DENND1A: variants seen among roughly 807,000 people sequenced by gnomAD.
DENND1A encodes DENN domain-containing protein 1A.
A neutral mutation model predicts 113.7 loss-of-function variants in DENND1A; 51 were observed. The observed-to-expected ratio is 0.45, with a 90% CI of 0.36 to 0.57. The LOEUF (loss-of-function observed/expected upper bound fraction) is 0.57. DENND1A is among the 20% of genes least tolerant of loss of function. The probability of loss-of-function intolerance (pLI) is 0.00; values close to 1 mark genes in which losing one functional copy is unlikely to be tolerated. For synonymous variants in DENND1A, 565 were observed against 570.8 expected (o/e 0.99, Z 0.14); for missense variants, 1,258 against 1,395.9 (o/e 0.90, Z 1.57).
chr9:123,394,583 TCA>T (rs1012054441), intron 21 of DENND1A, among the ~76,000 whole-genome samples: 1 of 152,228 alleles, frequency 6.6e-6, no homozygotes, highest in African/African-American at 2.4e-5. Context: ...TGATTACTTC[TCA>T]GTCTGTAGGT....
chr9:123,658,298 TA>T (rs922992419), intron 8 of DENND1A, among the ~76,000 whole-genome samples: 10 of 151,470 alleles, frequency 6.6e-5, no homozygotes, highest in East Asian at 1.9e-4. Flanking sequence ...ACCTGGACAC[TA>T]AAAAAAAATC....
chr9:123,427,583 G>T (rs911335482), intron 19 of DENND1A, among the ~76,000 whole-genome samples: 1 of 152,112 alleles, frequency 6.6e-6, no homozygotes, highest in East Asian at 1.9e-4. Flanking sequence ...ATGCTCTCTC[G>T]GTTTTAGGAT....
At chr9:123,782,952 A>C (rs1482520059) in intron 3 of DENND1A, among the ~76,000 whole-genome samples, 2 of 151,918 alleles carry the variant, frequency 1.3e-5, no homozygotes, top group African/African-American at 2.4e-5. Flanking sequence ...TCTGAAACTG[A>C]CTGAAGTTAC....
intron 13 of DENND1A, among the ~76,000 whole-genome samples, chr9:123,523,833 A>G (rs1203955894): frequency 6.6e-6 from 1 of 152,204 alleles, no homozygotes; most frequent in Non-Finnish European, 1.5e-5. Context: ...TGCTCTTTGA[A>G]TCAATATTAT....
rs1162512014 is a variant in DENND1A, at chr9:123,381,754, G to A, written c.2891C>T (p.Thr964Ile). 3 of 1,510,250 alleles carry A rather than the reference G, an allele frequency of 2.0e-6. No individual in the cohort carries two copies. Among genetic ancestry groups the A allele is most frequent in the Non-Finnish European group, 2.7e-6 (3 of 1,129,934 alleles). The allele number at this position is 1,510,250 out of a possible 1,614,324, so 93.6% of individuals were successfully genotyped here. Reference sequence around the variant, plus strand: ...CAGCGGCTGTAGGGGGCTCGTGTGGGTGCCCATGGGCATCTGGCCAAAGAG... The same window carrying A: ...CAGCGGCTGTAGGGGGCTCGTGTGGATGCCCATGGGCATCTGGCCAAAGAG... ...PNLFGQMPMG[T>I]HTSPLQPLGP... is the part of the protein sequence containing the mutation. The change falls in exon 24 of 24, where the codon ACC (threonine) becomes ATC (isoleucine). Residue 964 changes from threonine to isoleucine, a missense_variant. This residue lies in a region of DENND1A where 1,159 missense variants were observed against 1,231.7 expected (regional missense o/e 0.94). Transcript: ENST00000394215. This position sits in a 1 kb window ranked among gnomAD's most constrained non-coding sequence, Gnocchi z 4.7.
At chr9:123,523,758 G>A (rs868395628) in intron 13 of DENND1A, among the ~76,000 whole-genome samples, 23 of 152,180 alleles carry the variant, frequency 1.5e-4, no homozygotes, top group Admixed American at 1.0e-3. Context: ...CCAAGGTCAG[G>A]CTTTAGAATC....
intron 10 of DENND1A, among the ~76,000 whole-genome samples, chr9:123,617,345 A>G (rs1287948085): frequency 1.3e-5 from 2 of 152,090 alleles, no homozygotes; most frequent in African/African-American, 4.8e-5. Flanking sequence ...AGGTGAGCTC[A>G]GCGTGCACTG....
chr9:123,699,696 T>C (rs797017829), intron 5 of DENND1A, among the ~76,000 whole-genome samples: 3 of 146,638 alleles, frequency 2.0e-5, no homozygotes, highest in African/African-American at 7.5e-5. Flanking sequence ...TTCTTTTTTT[T>C]TTTTTTTTTT....
intron 12 of DENND1A, among the ~76,000 whole-genome samples, chr9:123,569,379 T>C (rs1479504432): frequency 2.6e-5 from 4 of 152,148 alleles, no homozygotes; most frequent in African/African-American, 9.7e-5. Flanking sequence ...GAAAGTAAAG[T>C]AAAATTCAGT....
intron 5 of DENND1A, among the ~76,000 whole-genome samples, chr9:123,685,364 G>T (rs1008535544): frequency 2.0e-5 from 3 of 152,174 alleles, no homozygotes; most frequent in African/African-American, 7.2e-5. Context: ...TTAAGCTCAA[G>T]AATCTCTGAT....
intron 13 of DENND1A, among the ~76,000 whole-genome samples, chr9:123,543,048 C>A (rs1175161429): frequency 6.6e-6 from 1 of 152,202 alleles, no homozygotes; most frequent in Non-Finnish European, 1.5e-5. Context: ...CTCAGCTCTG[C>A]GTCTCAGGAC....
intron 2 of DENND1A, among the ~76,000 whole-genome samples, chr9:123,854,498 C>T (rs938723860): frequency 6.6e-6 from 1 of 152,040 alleles, no homozygotes; most frequent in Non-Finnish European, 1.5e-5. Flanking sequence ...GAGTTTGAGA[C>T]CAGCCTGGCC....
At chr9:123,886,284 G>A (rs1445019095) in intron 1 of DENND1A, among the ~76,000 whole-genome samples, 1 of 151,966 alleles carries the variant, frequency 6.6e-6, no homozygotes, top group African/African-American at 2.4e-5. Context: ...ATGAGATTAG[G>A]AGAAAAATGT....
chr9:123,746,829 C>G (rs1206635483), intron 5 of DENND1A, among the ~76,000 whole-genome samples: 2 of 152,022 alleles, frequency 1.3e-5, no homozygotes, highest in Non-Finnish European at 2.9e-5. Flanking sequence ...CAACAGTTAT[C>G]TTTACTCAAT....
intron 6 of DENND1A, among the ~76,000 whole-genome samples, chr9:123,671,785 T>C (rs2063777770): frequency 6.6e-6 from 1 of 152,166 alleles, no homozygotes; most frequent in South Asian, 2.1e-4. Context: ...ATTAATTTTA[T>C]TGAGTGTTCA....
At chr9:123,845,939 A>G (rs1007361606) in intron 2 of DENND1A, among the ~76,000 whole-genome samples, 11 of 152,162 alleles carry the variant, frequency 7.2e-5, no homozygotes, top group African/African-American at 1.9e-4. Context: ...GTTAACCTAC[A>G]AAGTGGGAGA....
At position 123,443,655 on chromosome 9, in the gene DENND1A, G is replaced by A. The variant is rs182738156; in HGVS notation, c.1357-3164C>T. Among the ~76,000 whole-genome samples, 8 of 152,336 alleles carry A rather than the reference G, an allele frequency of 5.3e-5. No homozygotes were observed. The East Asian group carries it at 1.4e-3, about 26-fold the overall frequency. On this transcript the variant is annotated intron_variant, in intron 18 of 23. Transcript: ENST00000394215. ...AGGCAGCACAAGAGGAGGAGCCCAC[G>A]TCAAGGAAGAAATAAGAGGCTGGGT...
intron 9 of DENND1A, among the ~76,000 whole-genome samples, chr9:123,651,379 AGCACATGCACGTACACACGTGC>A (rs1158762143): frequency 2.0e-5 from 3 of 152,260 alleles, no homozygotes; most frequent in East Asian, 1.9e-4. Flanking sequence ...AAAACACCTG[AGCACATGCACGTACACACGTGC>A]GCACATGCGC....
chr9:123,907,663 A>G (rs1332244164), intron 1 of DENND1A, among the ~76,000 whole-genome samples: 41 of 150,834 alleles, frequency 2.7e-4, no homozygotes, highest in African/African-American at 9.1e-4. Flanking sequence ...CTCTTCAAGG[A>G]GAATTACAAA....
Sources: allele counts gnomAD v4.1 joint callset (sites outside exome capture counted in the v4.1 genomes callset), GRCh38; gene constraint gnomAD v4.1.1; regional missense constraint gnomAD v4.1.1; non-coding constraint Gnocchi (gnomAD v3.1); transcripts MANE v1.5; gene names NCBI Gene and HGNC (gene_info 2026-07-23, HGNC 2026-07-21).